ARHGAP24: variants seen among roughly 807,000 people sequenced by gnomAD.
The protein encoded by ARHGAP24 is rho GTPase-activating protein 24.
Under a neutral mutation model 76.4 loss-of-function variants are expected in ARHGAP24, and 50 were observed. The ratio of observed to expected loss-of-function variants is 0.65; its 90% CI spans 0.52 to 0.83. The LOEUF is 0.83. Ranked by LOEUF, ARHGAP24 falls within the 40% of genes least tolerant of loss-of-function variation. The pLI is 0.00. For missense variants in ARHGAP24, 930 were observed against 914.2 expected, an observed-to-expected ratio of 1.02 and a Z score of -0.22; for synonymous variants, 345 against 323.3, an observed-to-expected ratio of 1.07 and a Z score of -0.72.
intron 2 of ARHGAP24, among the ~76,000 whole-genome samples, chr4:85,682,953 A>T (rs1336497637): frequency 6.6e-6 from 1 of 152,066 alleles, no homozygotes; most frequent in East Asian, 1.9e-4. Context: ...CATACCAAAA[A>T]TGATCTTTCT....
rs185556332 is a variant in ARHGAP24 at position 85,757,190 on chromosome 4, G to T, written c.268+35218G>T. Among the ~76,000 whole-genome samples the T allele has an allele frequency of 1.5e-3, 220 of 148,790 alleles. 3 individuals carry two copies. Among genetic ancestry groups the T allele is most frequent in the African/African-American group, 5.0e-3 (201 of 40,582 alleles). On this transcript the variant is annotated intron_variant, in intron 3 of 9. Transcript: ENST00000395184. Reference sequence around the variant, plus strand: ...TATACCAGACACTCACTAGAGGGCAGCAAGGGGTCAATGCAACCAATTCTT... The same window carrying T: ...TATACCAGACACTCACTAGAGGGCATCAAGGGGTCAATGCAACCAATTCTT...
intron 2 of ARHGAP24, among the ~76,000 whole-genome samples, chr4:85,714,266 G>A (rs1338351794): frequency 3.9e-5 from 6 of 152,096 alleles, no homozygotes; most frequent in Admixed American, 3.9e-4. Context: ...AGTGTTAAAC[G>A]TTTTAAAATG....
chr4:85,573,594 G>A (rs1308203443), intron 2 of ARHGAP24, among the ~76,000 whole-genome samples: 1 of 152,160 alleles, frequency 6.6e-6, no homozygotes, highest in Admixed American at 6.5e-5. Context: ...CATTAAATAA[G>A]ACCTGCAGTG....
chr4:85,823,057 CT>C (rs1729549627), intron 3 of ARHGAP24, among the ~76,000 whole-genome samples: 1 of 152,142 alleles, frequency 6.6e-6, no homozygotes, highest in African/African-American at 2.4e-5. Flanking sequence ...CAAAAATGAT[CT>C]CTTTATTATG....
At chr4:85,526,298 G>C (rs958985207) in intron 1 of ARHGAP24, among the ~76,000 whole-genome samples, 1 of 151,678 alleles carries the variant, frequency 6.6e-6, no homozygotes, top group Non-Finnish European at 1.5e-5. Context: ...CTACTCAGGA[G>C]GCTGTGTAGG....
Position 85,966,889 on chromosome 4 carries a change from A to G in ARHGAP24, c.600-5147A>G, listed in dbSNP as rs571777684. 2.6e-5 allele frequency among the ~76,000 whole-genome samples: 4 copies of G among 152,278 alleles called. No homozygotes were observed. The South Asian group carries it at 8.3e-4, about 32-fold the overall frequency. Reference sequence around the variant, plus strand: ...ATTGAAAATTCATTCTATTCAGTTAAACCAAGGGATTATACCGTATTCTCT... The same window carrying G: ...ATTGAAAATTCATTCTATTCAGTTAGACCAAGGGATTATACCGTATTCTCT... On this transcript the variant is annotated intron_variant, in intron 5 of 9. Transcript: ENST00000395184.
At chr4:85,848,697 A>G (rs1731034571) in intron 3 of ARHGAP24, among the ~76,000 whole-genome samples, 2 of 152,200 alleles carry the variant, frequency 1.3e-5, no homozygotes, top group Non-Finnish European at 2.9e-5. Context: ...CATTTATTAA[A>G]TAGGGAATCT....
intron 3 of ARHGAP24, among the ~76,000 whole-genome samples, chr4:85,745,592 T>A (rs1322873250): frequency 7.0e-6 from 1 of 143,688 alleles, no homozygotes; most frequent in Non-Finnish European, 1.5e-5. Context: ...CCTTATCTCT[T>A]AAAAAAAAAA....
At chr4:85,506,197 G>C (rs777851366) in intron 1 of ARHGAP24, among the ~76,000 whole-genome samples, 29 of 152,150 alleles carry the variant, frequency 1.9e-4, no homozygotes, top group Non-Finnish European at 4.1e-4. Context: ...CTACATGGGG[G>C]TCAGGGACCC....
At chr4:85,868,724 T>C (rs1179083826) in intron 3 of ARHGAP24, among the ~76,000 whole-genome samples, 7 of 152,092 alleles carry the variant, frequency 4.6e-5, no homozygotes, top group East Asian at 1.9e-4. Flanking sequence ...GTGTTAATAA[T>C]AGGGAAAACA....
At chr4:85,699,509 G>T (rs1370995369) in intron 2 of ARHGAP24, among the ~76,000 whole-genome samples, 1 of 152,122 alleles carries the variant, frequency 6.6e-6, no homozygotes, top group Non-Finnish European at 1.5e-5. Flanking sequence ...GGCTGATGTG[G>T]GAGGATCACT....
intron 7 of ARHGAP24, among the ~76,000 whole-genome samples, chr4:85,976,820 T>G (rs1038058435): frequency 6.6e-6 from 1 of 150,706 alleles, no homozygotes; most frequent in Non-Finnish European, 1.5e-5. Flanking sequence ...TTCACTCTTG[T>G]TGCCCAGGCT....
chr4:85,695,293 A>G (rs757407139), intron 2 of ARHGAP24, among the ~76,000 whole-genome samples: 5 of 152,222 alleles, frequency 3.3e-5, no homozygotes, highest in African/African-American at 1.2e-4. Context: ...ACCATGGTTC[A>G]TATTCTCCTA....
chr4:85,761,426 A>G (rs1560620245), intron 3 of ARHGAP24, among the ~76,000 whole-genome samples: 1 of 152,172 alleles, frequency 6.6e-6, no homozygotes, highest in African/African-American at 2.4e-5. Flanking sequence ...ATTGGAATGC[A>G]TGGGAATCTT....
At chr4:85,488,142 T>G (rs1194216079) in intron 1 of ARHGAP24, among the ~76,000 whole-genome samples, 2 of 151,332 alleles carry the variant, frequency 1.3e-5, no homozygotes, top group Non-Finnish European at 2.9e-5. Flanking sequence ...GTATGAAAGG[T>G]GTTGTATGGA....
chr4:85,676,243 C>G (rs1722975741), intron 2 of ARHGAP24, among the ~76,000 whole-genome samples: 1 of 152,170 alleles, frequency 6.6e-6, no homozygotes. Context: ...ACACACTGGG[C>G]TGCCAAACCT....
intron 2 of ARHGAP24, among the ~76,000 whole-genome samples, chr4:85,697,806 G>T (rs1723925373): frequency 6.6e-6 from 1 of 152,182 alleles, no homozygotes; most frequent in South Asian, 2.1e-4. Flanking sequence ...GTGTGAGGTG[G>T]AGGAAGGGAG....
chr4:85,862,685 C>T (rs144808871), intron 3 of ARHGAP24, among the ~76,000 whole-genome samples: 1 of 152,206 alleles, frequency 6.6e-6, no homozygotes, highest in East Asian at 1.9e-4. Flanking sequence ...TTGACCTGTC[C>T]AAAATGCAAC....
At chr4:85,614,343 A>G (rs993329336) in intron 2 of ARHGAP24, among the ~76,000 whole-genome samples, 7 of 152,082 alleles carry the variant, frequency 4.6e-5, no homozygotes, top group African/African-American at 1.7e-4. Context: ...GGGAAAGGAT[A>G]CCTACTTCCT....
Sources: allele counts gnomAD v4.1 joint callset (sites outside exome capture counted in the v4.1 genomes callset), GRCh38; gene constraint gnomAD v4.1.1; transcripts MANE v1.5; gene names NCBI Gene and HGNC (gene_info 2026-07-23, HGNC 2026-07-21).